The following ZFYVE9 variants were observed in gnomAD, a reference collection of about 807,000 sequenced individuals.
ZFYVE9 encodes zinc finger FYVE domain-containing protein 9.
Under a neutral mutation model 126.7 loss-of-function variants are expected in ZFYVE9, and 43 were observed. The ratio of observed to expected loss-of-function variants is 0.34; its 90% CI spans 0.27 to 0.44. The LOEUF is 0.44. Ranked by LOEUF, ZFYVE9 falls within the 20% of genes least tolerant of loss-of-function variation. The pLI is 1.00. For synonymous variants in ZFYVE9, 521 were observed against 597.4 expected, an observed-to-expected ratio of 0.87 and a Z score of 1.87; for missense variants, 1,476 against 1,697.0, an observed-to-expected ratio of 0.87 and a Z score of 2.29.
intron 4 of ZFYVE9, chr1:52,252,709 A>C: frequency 2.3e-6 from 1 of 439,450 alleles, no homozygotes. Flanking sequence ...GGGTTGCAAA[A>C]CATAACAGCC....
At chr1:52,243,464 C>G (rs1004005874) in intron 4 of ZFYVE9, among the ~76,000 whole-genome samples, 1 of 151,810 alleles carries the variant, frequency 6.6e-6, no homozygotes, top group Non-Finnish European at 1.5e-5. Context: ...GGAAGTAGAA[C>G]AGCATGGACA....
chr1:52,252,723 A>C (rs1465509423), intron 4 of ZFYVE9: 1 of 455,106 alleles, frequency 2.2e-6, no homozygotes, highest in Non-Finnish European at 4.5e-6. Flanking sequence ...AACAGCCTGC[A>C]AATCCTGCAG....
intron 1 of ZFYVE9, among the ~76,000 whole-genome samples, chr1:52,167,831 T>G (rs1293620027): frequency 6.6e-6 from 1 of 152,196 alleles, no homozygotes; most frequent in African/African-American, 2.4e-5. Context: ...GACCTCTCAG[T>G]GTGCAGACAG....
chr1:52,295,085 G>A (rs993453798), intron 11 of ZFYVE9, among the ~76,000 whole-genome samples: 1 of 152,128 alleles, frequency 6.6e-6, no homozygotes, highest in Non-Finnish European at 1.5e-5. Context: ...GCGCATGCCT[G>A]TAATTCCAGC....
chr1:52,273,944 A>C (rs1645719884), intron 7 of ZFYVE9, among the ~76,000 whole-genome samples: 2 of 152,190 alleles, frequency 1.3e-5, no homozygotes, highest in South Asian at 4.1e-4. Context: ...AACATATATA[A>C]CAAATGATTT....
intron 1 of ZFYVE9, among the ~76,000 whole-genome samples, chr1:52,212,376 G>A (rs1572104437): frequency 6.6e-6 from 1 of 152,120 alleles, no homozygotes; most frequent in East Asian, 1.9e-4. Flanking sequence ...AACTCTCCTG[G>A]CCTCAAGTGA....
At chr1:52,181,257 A>G (rs1409357641) in intron 1 of ZFYVE9, among the ~76,000 whole-genome samples, 1 of 152,050 alleles carries the variant, frequency 6.6e-6, no homozygotes, top group Non-Finnish European at 1.5e-5. Flanking sequence ...TGGTTTTCGT[A>G]TTTTTTTGGT....
intron 1 of ZFYVE9, among the ~76,000 whole-genome samples, chr1:52,182,142 C>T (rs1369398551): frequency 3.3e-5 from 5 of 151,904 alleles, no homozygotes; most frequent in African/African-American, 7.3e-5. Flanking sequence ...GTCAGCCCCC[C>T]GCCCGGCCAG....
chr1:52,325,775 C>T (rs1464044237), intron 13 of ZFYVE9, among the ~76,000 whole-genome samples: 1 of 152,198 alleles, frequency 6.6e-6, no homozygotes, highest in Admixed American at 6.5e-5. Flanking sequence ...ATTGTATCCA[C>T]TCCTCAACAC....
At chr1:52,154,899 CT>C (rs1220229797) in intron 1 of ZFYVE9, among the ~76,000 whole-genome samples, 1 of 152,108 alleles carries the variant, frequency 6.6e-6, no homozygotes, top group East Asian at 1.9e-4. Flanking sequence ...AAAACTTTGG[CT>C]TTTTTCTCCT....
chr1:52,240,781 C>T (rs548809550), intron 4 of ZFYVE9, among the ~76,000 whole-genome samples: 1 of 152,250 alleles, frequency 6.6e-6, no homozygotes, highest in South Asian at 2.1e-4. Context: ...ACCCTCTTAT[C>T]AGGGAGGAAG....
intron 17 of ZFYVE9, 129 bp downstream of exon 17, chr1:52,340,360 T>C (rs980796559): frequency 1.5e-6 from 1 of 676,734 alleles, no homozygotes; most frequent in African/African-American, 1.8e-5. Flanking sequence ...TTCTCGTTTA[T>C]ACTACAATTC....
chr1:52,175,393 T>A (rs1342359143), intron 1 of ZFYVE9, among the ~76,000 whole-genome samples: 1 of 151,964 alleles, frequency 6.6e-6, no homozygotes, highest in African/African-American at 2.4e-5. Context: ...CTGATGGGCT[T>A]CCCTTTGTGG....
chr1:52,213,443 G>A (rs747315229), intron 1 of ZFYVE9, among the ~76,000 whole-genome samples: 4 of 152,024 alleles, frequency 2.6e-5, no homozygotes, highest in Non-Finnish European at 5.9e-5. Context: ...CTGAGCTCAG[G>A]AGTTTGAGAC....
intron 4 of ZFYVE9, among the ~76,000 whole-genome samples, chr1:52,244,891 C>T (rs1645368725): frequency 1.3e-5 from 2 of 152,130 alleles, no homozygotes; most frequent in South Asian, 2.1e-4. Context: ...GATGCAGTGG[C>T]TCATGCCTGT....
rs1280994901 is a variant in ZFYVE9, at chr1:52,307,709, T to C, written c.3438+3784T>C. On this transcript the variant is annotated intron_variant, in intron 13 of 18. Coordinates refer to ENST00000287727, the MANE Select transcript of ZFYVE9 (RefSeq NM_004799.4). ...TTTATTTTATGGATTATGTATCAGG[T>C]CTTTTTCTTACCTGATTAGCAAACT... Among the ~76,000 whole-genome samples, 5 of 152,256 alleles carry C rather than the reference T, an allele frequency of 3.3e-5. No homozygotes were observed. In the East Asian group the frequency reaches 9.7e-4, roughly 29 times the overall value.
chr1:52,290,237 GAA>G (rs1486337489), intron 10 of ZFYVE9, among the ~76,000 whole-genome samples: 3 of 152,234 alleles, frequency 2.0e-5, no homozygotes, highest in Non-Finnish European at 4.4e-5. Context: ...GGAAGAGAGA[GAA>G]AGAATGTGCA....
At chr1:52,187,523 C>T (rs1287263267) in intron 1 of ZFYVE9, among the ~76,000 whole-genome samples, 1 of 152,148 alleles carries the variant, frequency 6.6e-6, no homozygotes, top group African/African-American at 2.4e-5. Context: ...AGTAAACAGA[C>T]TACAGAATGG....
intron 13 of ZFYVE9, among the ~76,000 whole-genome samples, chr1:52,313,005 G>C (rs1025008940): frequency 2.2e-4 from 34 of 152,180 alleles, no homozygotes; most frequent in African/African-American, 7.2e-4. Flanking sequence ...TATGGAAACA[G>C]ACACACATAT....
Sources: gnomAD v4.1 joint callset for allele counts (sites outside exome capture counted in the v4.1 genomes callset) on GRCh38, gnomAD v4.1.1 for gene constraint, MANE v1.5 for transcripts, NCBI Gene and HGNC (gene_info 2026-07-23, HGNC 2026-07-21) for gene names.